The following SMG6 variants were observed in gnomAD, a reference collection of about 807,000 sequenced individuals.
SMG6 encodes the protein telomerase-binding protein EST1A.
A neutral mutation model predicts 142.2 loss-of-function variants in SMG6; 66 were observed. The observed-to-expected ratio is 0.46, with a 90% CI of 0.38 to 0.57. The LOEUF (loss-of-function observed/expected upper bound fraction) is 0.57, where lower values mean the gene tolerates loss of function less well. SMG6 is among the 20% of genes least tolerant of loss of function. The probability of loss-of-function intolerance (pLI) is 0.00; values close to 1 mark genes in which losing one functional copy is unlikely to be tolerated. For missense variants in SMG6, 1,793 were observed against 1,832.0 expected (o/e 0.98, Z 0.39); for synonymous variants, 779 against 702.4 (o/e 1.11, Z -1.72).
rs530513431 is a variant in SMG6 at position 2,247,043 on chromosome 17, C to T, written c.2662-2324G>A. Among the ~76,000 whole-genome samples the T allele has an allele frequency of 5.3e-5, 8 of 152,268 alleles. No individual in the cohort carries two copies. The East Asian group carries it at 7.7e-4, about 15-fold the overall frequency. ...CCCATGGCTACACCAACATTAGTGG[C>T]GAAACCTGGCCAGAATGCAGATCTC... On this transcript the variant is annotated intron_variant, in intron 8 of 18. Coordinates refer to ENST00000263073, the MANE Select transcript of SMG6 (RefSeq NM_017575.5).
At chr17:2,226,262 T>G (rs1159930072) in intron 10 of SMG6, among the ~76,000 whole-genome samples, 10 of 110,960 alleles carry the variant, frequency 9.0e-5, no homozygotes, top group East Asian at 2.5e-4. Flanking sequence ...GAAACAAGAG[T>G]GAAACTCCGT....
chr17:2,089,583 G>A (rs1014368876), intron 13 of SMG6: 2 of 152,508 alleles, frequency 1.3e-5, no homozygotes, highest in Non-Finnish European at 2.9e-5. Context: ...GAAGATTGTC[G>A]GAGGCAGCTT....
chr17:2,275,129 T>C (rs1279826948), intron 8 of SMG6, among the ~76,000 whole-genome samples: 1 of 152,088 alleles, frequency 6.6e-6, no homozygotes, highest in Non-Finnish European at 1.5e-5. Flanking sequence ...CCTACATATA[T>C]AAAGAATACG....
intron 13 of SMG6, among the ~76,000 whole-genome samples, chr17:2,132,377 G>A (rs2070150957): frequency 6.6e-6 from 1 of 152,168 alleles, no homozygotes; most frequent in Admixed American, 6.5e-5. Flanking sequence ...CTTAACAGCA[G>A]ATGCGTCACC....
intron 12 of SMG6, among the ~76,000 whole-genome samples, chr17:2,179,068 C>A (rs1339131578): frequency 6.6e-6 from 1 of 152,178 alleles, no homozygotes; most frequent in Non-Finnish European, 1.5e-5. Context: ...GACAGGGGCT[C>A]CTGCCGTGGG....
chr17:2,271,925 A>T (rs996399277), intron 8 of SMG6, among the ~76,000 whole-genome samples: 5 of 152,224 alleles, frequency 3.3e-5, no homozygotes, highest in African/African-American at 1.2e-4. Context: ...GGGGTAAAAG[A>T]TTCAGTCAAT....
intron 6 of SMG6, among the ~76,000 whole-genome samples, chr17:2,287,912 T>G (rs2151387425): frequency 6.6e-6 from 1 of 152,280 alleles, no homozygotes; most frequent in South Asian, 2.1e-4. Context: ...AAGTGGGAGC[T>G]GTTATTTAAT....
intron 14 of SMG6, among the ~76,000 whole-genome samples, chr17:2,082,597 G>A (rs1395504516): frequency 1.3e-5 from 2 of 152,206 alleles, no homozygotes; most frequent in East Asian, 3.8e-4. Flanking sequence ...AGGGTAGGAG[G>A]TGGCTGGCTG....
chr17:2,065,083 G>A lies in SMG6; in HGVS notation c.4119C>T (p.Pro1373=), dbSNP rs759053772. 2.7e-5 allele frequency: 43 copies of A among 1,613,412 alleles called. No homozygotes were observed. Among genetic ancestry groups the A allele is most frequent in the Admixed American group, 3.3e-5 (2 of 59,984 alleles). Residue 1373 remains proline, a synonymous_variant, in exon 18 of 19, where the codon CCC becomes CCT. Transcript: ENST00000263073. The stretch of plus-strand genomic sequence containing the variant: ...GAGGCAAAGCTGTACCTTTGCTGGC[G>A]GGCATGAAGTCCTTAGCCTTGTCTT... ...YCKDKAKDFM[P]ASKEEPIRLL...
intron 10 of SMG6, among the ~76,000 whole-genome samples, chr17:2,234,303 C>A (rs1024995822): frequency 6.6e-6 from 1 of 151,934 alleles, no homozygotes. Flanking sequence ...CACTCTGCTG[C>A]CCAGGCTGCA....
chr17:2,165,045 G>A (rs994338842), intron 13 of SMG6, among the ~76,000 whole-genome samples: 3 of 152,178 alleles, frequency 2.0e-5, no homozygotes, highest in African/African-American at 7.2e-5. Flanking sequence ...TTGGGGTGGG[G>A]GTGTTACTTT....
chr17:2,283,041 A>G (rs979692329), intron 7 of SMG6, among the ~76,000 whole-genome samples, 182 bp from the exon 8 acceptor site: 11 of 152,130 alleles, frequency 7.2e-5, no homozygotes, highest in African/African-American at 2.7e-4. Context: ...GTGGTGGCGC[A>G]TATCTGTAAT....
intron 4 of SMG6, among the ~76,000 whole-genome samples, chr17:2,296,992 A>C (rs1323131037): frequency 6.6e-6 from 1 of 151,200 alleles, no homozygotes; most frequent in East Asian, 1.9e-4. Context: ...ACATGAATGA[A>C]ACTCCTTCTC....
intron 10 of SMG6, among the ~76,000 whole-genome samples, chr17:2,198,974 A>AG (rs1567676998): frequency 4.3e-5 from 6 of 141,120 alleles, no homozygotes; most frequent in East Asian, 2.0e-4. Flanking sequence ...AAAAAAAAAA[A>AG]GAAAAGTTCA....
At chr17:2,172,613 T>C (rs2071538957) in intron 13 of SMG6, 45 bp downstream of exon 13, 1 of 1,594,532 alleles carries the variant, frequency 6.3e-7, no homozygotes. Context: ...TCTGGAGAAT[T>C]AAGAGGAGGG....
At chr17:2,217,352 T>C (rs898041724) in intron 10 of SMG6, among the ~76,000 whole-genome samples, 4 of 152,008 alleles carry the variant, frequency 2.6e-5, no homozygotes, top group African/African-American at 9.7e-5. Context: ...TAAGTTTTGA[T>C]GGATATCCAT....
At chr17:2,079,491 C>G (rs970583361) in intron 15 of SMG6, among the ~76,000 whole-genome samples, 1 of 151,218 alleles carries the variant, frequency 6.6e-6, no homozygotes, top group African/African-American at 2.4e-5. Context: ...AAAAAATTAG[C>G]TGGGCGTGGT....
chr17:2,150,429 A>G lies in SMG6; in HGVS notation c.3357+22229T>C, dbSNP rs141978351. Among the ~76,000 whole-genome samples, 1,001 of 152,238 alleles carry G rather than the reference A, an allele frequency of 6.6e-3. 9 individuals carry two copies. The highest frequency in any genetic ancestry group is 7.9e-3 in the Non-Finnish European group (538 of 68,004). On this transcript the variant is annotated intron_variant, in intron 13 of 18. Coordinates refer to ENST00000263073, the MANE Select transcript of SMG6 (RefSeq NM_017575.5). ...TGAACAGATGCTGTTGGCACTGTCT[A>G]CTGTGTTCATCAACATCCCCAAAGG...
At chr17:2,248,798 C>G (rs1232910812) in intron 8 of SMG6, among the ~76,000 whole-genome samples, 1 of 152,094 alleles carries the variant, frequency 6.6e-6, no homozygotes, top group Non-Finnish European at 1.5e-5. Context: ...CATGAAGGAG[C>G]AGATTTGTTA....
Sources: allele counts gnomAD v4.1 joint callset (sites outside exome capture counted in the v4.1 genomes callset), GRCh38; gene constraint gnomAD v4.1.1; transcripts MANE v1.5; gene names NCBI Gene and HGNC (gene_info 2026-07-23, HGNC 2026-07-21).